KIF26A: variants seen among roughly 807,000 people sequenced by gnomAD.
KIF26A encodes the protein kinesin family member 26A.
Under a neutral mutation model 126.0 loss-of-function variants are expected in KIF26A, and 74 were observed. The ratio of observed to expected loss-of-function variants is 0.59; its 90% CI spans 0.49 to 0.71. KIF26A has a LOEUF of 0.71. KIF26A is among the 30% of genes least tolerant of loss of function. The pLI is 0.00. For synonymous variants in KIF26A, 1,445 were observed against 1,232.7 expected, an observed-to-expected ratio of 1.17 and a Z score of -3.61; for missense variants, 2,984 against 2,763.3, an observed-to-expected ratio of 1.08 and a Z score of -1.79.
intron 4 of KIF26A, among the ~76,000 whole-genome samples, chr14:104,165,872 G>A (rs527516212): frequency 2.8e-5 from 4 of 145,138 alleles, no homozygotes; most frequent in Middle Eastern, 3.5e-3. Flanking sequence ...TGTAGGGTGT[G>A]CGTGTCGAGG....
At chr14:104,147,690 G>A (rs2037691936) in intron 2 of KIF26A, among the ~76,000 whole-genome samples, 1 of 152,246 alleles carries the variant, frequency 6.6e-6, no homozygotes, top group Admixed American at 6.5e-5. Context: ...CCTGGCCGGG[G>A]GTCCCTTCCT....
At chr14:104,165,214 C>T (rs1239087419) in intron 4 of KIF26A, among the ~76,000 whole-genome samples, 7 of 132,960 alleles carry the variant, frequency 5.3e-5, no homozygotes, top group Non-Finnish European at 9.6e-5. Context: ...TGTGTCTCTG[C>T]ATGTGTTTCT....
At chr14:104,171,062 G>T (rs911187588) in intron 5 of KIF26A, among the ~76,000 whole-genome samples, 2 of 152,248 alleles carry the variant, frequency 1.3e-5, no homozygotes, top group African/African-American at 4.8e-5. Context: ...GGCCGGTGAG[G>T]CCGAGGCGTC....
In KIF26A at chr14:104,138,697, T is replaced by C; in HGVS notation, c.-26T>C. The C allele has an allele frequency of 7.9e-7, 1 of 1,266,922 alleles. No individual in the cohort carries two copies. The highest frequency in any genetic ancestry group is 9.9e-7 in the Non-Finnish European group (1 of 1,005,744). The allele number at this position is 1,266,922 out of a possible 1,614,324, so 78.5% of individuals were successfully genotyped here. On this transcript the variant is annotated 5_prime_UTR_variant, in exon 1 of 15. Transcript: ENST00000423312. ...GAGAGCCAGCGTGGCCGGGAGCGCCTGCCGGGCTCTTCCCGCGCCCCGGCC... is the reference window on the plus strand; with the variant it reads ...GAGAGCCAGCGTGGCCGGGAGCGCCCGCCGGGCTCTTCCCGCGCCCCGGCC...
rs1330274873 is a variant in KIF26A, at chr14:104,176,962, G to T, written c.4174G>T (p.Ala1392Ser). Reference sequence around the variant, plus strand: ...TGCTGTGAACCCGGCGCGGGTCGGGGCTGCTGCTGTCCTTCGAGGGGAGGA... The same window carrying T: ...TGCTGTGAACCCGGCGCGGGTCGGGTCTGCTGCTGTCCTTCGAGGGGAGGA... ...PHAVNPARVG[A>S]AAVLRGEEEP... Residue 1392 changes from alanine to serine, a missense_variant, in exon 12 of 15, where the codon GCT becomes TCT. Ala to Ser is a moderately conservative substitution (Grantham distance 99, BLOSUM62 1). Transcript: ENST00000423312. The T allele has an allele frequency of 2.0e-6, 3 of 1,535,296 alleles. No homozygotes were observed. The Admixed American group carries it at 5.9e-5, about 30-fold the overall frequency.
intron 3 of KIF26A, 133 bp from the exon 4 acceptor site, chr14:104,157,622 C>T (rs2037792086): frequency 3.0e-6 from 3 of 997,100 alleles, no homozygotes; most frequent in African/African-American, 3.4e-5. Context: ...CAGGCTGGGC[C>T]CTGGGGGTGC....
Position 104,176,977 on chromosome 14 carries a change from C to A in KIF26A, c.4189C>A (p.Arg1397=). Residue 1397 remains arginine, a synonymous_variant, in exon 12 of 15, where the codon CGA becomes AGA. Coordinates refer to ENST00000423312, the MANE Select transcript of KIF26A (RefSeq NM_015656.2). ...PARVGAAAVL[R]GEEEPRPSSR... is the part of the protein sequence containing the mutation. ...GCGGGTCGGGGCTGCTGCTGTCCTT[C>A]GAGGGGAGGAGGAGCCCAGACCCAG... 6.5e-7 allele frequency: 1 copy of A among 1,537,298 alleles called. No homozygotes were observed. Among genetic ancestry groups the A allele is most frequent in the Non-Finnish European group, 8.7e-7 (1 of 1,147,234 alleles).
In KIF26A at chr14:104,177,173, T is replaced by C; in HGVS notation, c.4385T>C (p.Val1462Ala). ...GCCCCTGGGCGGCCTCCCCGGGCTG[T>C]ACCCAAGCTGGGTGTGCCACCCTCC... ...REAPGRPPRA[V>A]PKLGVPPSSP... is the part of the protein sequence containing the mutation. Residue 1462 changes from valine (V) to alanine (A), a missense_variant, in exon 12 of 15, where the codon GTA becomes GCA. Transcript: ENST00000423312. The C allele has an allele frequency of 6.3e-7, 1 of 1,596,918 alleles. No individual in the cohort carries two copies.
intron 3 of KIF26A, among the ~76,000 whole-genome samples, chr14:104,154,629 T>G (rs2037759927): frequency 6.6e-6 from 1 of 152,168 alleles, no homozygotes; most frequent in African/African-American, 2.4e-5. Context: ...CTCTGGACAG[T>G]GGTCATGGGG....
Position 104,176,363 on chromosome 14 carries a change from C to G in KIF26A, c.3575C>G (p.Pro1192Arg). Residue 1192 changes from proline (P) to arginine (R), a missense_variant, in exon 12 of 15, where the codon CCC becomes CGC. Transcript: ENST00000423312. ...AVAPSRPGRE[P>R]QAGPSRWASA... ...GCCCCATCCCGACCCGGCAGGGAGC[C>G]CCAGGCCGGGCCCTCGCGGTGGGCA... The G allele has an allele frequency of 6.3e-7, 1 of 1,583,588 alleles. No individual in the cohort carries two copies. The highest frequency in any genetic ancestry group is 8.6e-7 in the Non-Finnish European group (1 of 1,161,964).
chr14:104,165,203 CTG>C (rs139275359), intron 4 of KIF26A, among the ~76,000 whole-genome samples: 3 of 147,624 alleles, frequency 2.0e-5, no homozygotes, highest in African/African-American at 5.0e-5. Context: ...ATGTGTGTGT[CTG>C]TGTCTCTGCA....
intron 4 of KIF26A, among the ~76,000 whole-genome samples, chr14:104,164,562 G>C (rs1462763949): frequency 2.0e-5 from 3 of 152,180 alleles, no homozygotes; most frequent in Non-Finnish European, 2.9e-5. Context: ...CCACCCCAGG[G>C]AATGAGTAGG....
At position 104,179,225 on chromosome 14, in the gene KIF26A, C is replaced by G; in HGVS notation, c.5317-11C>G. ...TCCCATGCCTGAGCCCCCGCCCGCC[C>G]TGCCTCCCAGGGTCTGGCGTGCGTC... On this transcript the variant is annotated splice_polypyrimidine_tract_variant and intron_variant, in intron 13 of 14. Transcript: ENST00000423312. 1.4e-6 allele frequency: 2 copies of G among 1,457,416 alleles called. No individual in the cohort carries two copies. Among genetic ancestry groups the G allele is most frequent in the Admixed American group, 2.5e-5 (1 of 39,940 alleles). 90.3% of individuals were successfully genotyped at this position (1,457,416 alleles called of 1,614,324 possible). A position where few individuals can be genotyped will look rare whatever the true frequency, so the allele number is the denominator to read the frequency against.
chr14:104,157,172 G>C (rs61120663), intron 3 of KIF26A, among the ~76,000 whole-genome samples: 20 of 152,286 alleles, frequency 1.3e-4, no homozygotes, highest in African/African-American at 2.2e-4. Context: ...GTTTAATTAC[G>C]TTTGTGCTTC....
Position 104,179,294 on chromosome 14 carries a change from G to A in KIF26A, c.5375G>A (p.Arg1792Gln), listed in dbSNP as rs111397861. The A allele has an allele frequency of 1.7e-4, 262 of 1,535,708 alleles. No homozygotes were observed. Among genetic ancestry groups the A allele is most frequent in the Non-Finnish European group, 1.7e-4 (196 of 1,144,814 alleles). ...GCGGAGCGCAGGCAGCAGCGGCTGC[G>A]GGAGGTGCAGGCCAAGCACAAGCAC... ...RLAERRQQRL[R>Q]EVQAKHKHLC... is the part of the protein sequence containing the mutation. The change falls in exon 14 of 15, where the codon CGG becomes CAG. Residue 1792 changes from arginine to glutamine, a missense_variant. Arg to Gln is a conservative substitution (Grantham distance 43). Transcript: ENST00000423312.
chr14:104,147,587 A>G (rs1021723979), intron 2 of KIF26A, among the ~76,000 whole-genome samples: 7 of 152,058 alleles, frequency 4.6e-5, no homozygotes, highest in Non-Finnish European at 8.8e-5. Flanking sequence ...CAGTTTCCAG[A>G]CTGGAGCACC....
rs1164227526 is a variant in KIF26A, at chr14:104,148,394, A to C, written c.289-3621A>C. Among the ~76,000 whole-genome samples, 1 of 152,168 alleles carries C rather than the reference A, an allele frequency of 6.6e-6. No homozygotes were observed. Among genetic ancestry groups the C allele is most frequent in the Non-Finnish European group, 1.5e-5 (1 of 68,042 alleles). On this transcript the variant is annotated intron_variant, in intron 2 of 14. Coordinates refer to ENST00000423312, the MANE Select transcript of KIF26A (RefSeq NM_015656.2). This position sits in a 1 kb window ranked among gnomAD's most constrained non-coding sequence, Gnocchi z 4.3. The stretch of plus-strand genomic sequence containing the variant: ...AATTAAAAGTCATATTTCGCAGTGG[A>C]GTAATTACTGTCTTCCTCAAGACAC...
rs1208695898 is a variant in KIF26A at position 104,176,685 on chromosome 14, T to C, written c.3897T>C (p.Ala1299=). 18 of 1,594,356 alleles carry C rather than the reference T, an allele frequency of 1.1e-5. No homozygotes were observed. The African/African-American group carries it at 2.0e-4, about 18-fold the overall frequency. ...VAARAARRPE[A]VARIPPLRRG... is the part of the protein sequence containing the mutation. ...CCAGGGCGGCCCGCAGGCCAGAGGC[T>C]GTGGCTCGGATCCCACCGCTGCGGA... Residue 1299 remains alanine, a synonymous_variant, in exon 12 of 15, where the codon GCT becomes GCC. Coordinates refer to ENST00000423312, the MANE Select transcript of KIF26A (RefSeq NM_015656.2).
chr14:104,145,559 G>T (rs116690037), intron 2 of KIF26A, among the ~76,000 whole-genome samples: 1,836 of 152,254 alleles, frequency 0.012, 41 homozygotes, highest in African/African-American at 0.041. Context: ...TCCCTCCTGC[G>T]CTGGCCTCTG....
Sources: allele counts gnomAD v4.1 joint callset (sites outside exome capture counted in the v4.1 genomes callset), GRCh38; gene constraint gnomAD v4.1.1; non-coding constraint Gnocchi (gnomAD v3.1); transcripts MANE v1.5; gene names NCBI Gene and HGNC (gene_info 2026-07-23, HGNC 2026-07-21).